PDCL: variants seen among roughly 807,000 people sequenced by gnomAD.
The protein encoded by PDCL is phosducin-like protein.
A neutral mutation model predicts 26.7 loss-of-function variants in PDCL; 11 were observed. The ratio of observed to expected loss-of-function variants is 0.41; its 90% confidence interval spans 0.26 to 0.68. The LOEUF is 0.68. PDCL is among the 30% of genes least tolerant of loss of function. PDCL has a pLI of 0.30. For missense variants in PDCL, 330 were observed against 371.6 expected, an observed-to-expected ratio of 0.89 and a Z score of 0.92; for synonymous variants, 118 against 134.9, an observed-to-expected ratio of 0.87 and a Z score of 0.87.
chr9:122,820,079 A>C lies in PDCL; in HGVS notation c.*6T>G, dbSNP rs1343476897. The C allele has an allele frequency of 6.3e-7, 1 of 1,580,498 alleles. No individual in the cohort carries two copies. The highest frequency in any genetic ancestry group is 8.6e-7 in the Non-Finnish European group (1 of 1,163,268). Reference sequence around the variant, plus strand: ...AATGAGAAATCTATGCAACTAGACTATCAGTTCAATCTATTTCCAGGTCGC... The same window carrying C: ...AATGAGAAATCTATGCAACTAGACTCTCAGTTCAATCTATTTCCAGGTCGC... On this transcript the variant is annotated 3_prime_UTR_variant, in exon 4 of 4. Coordinates refer to ENST00000259467, the MANE Select transcript of PDCL (RefSeq NM_005388.5).
Position 122,818,831 on chromosome 9 carries a change from T to C in PDCL, c.*1254A>G, listed in dbSNP as rs962431360. The C allele has an allele frequency of 2.0e-4, 31 of 152,222 alleles. No homozygotes were observed. Among genetic ancestry groups the C allele is most frequent in the Middle Eastern group, 3.4e-3 (1 of 294 alleles). 9.4% of individuals were successfully genotyped at this position (152,222 alleles called of 1,614,324 possible). On this transcript the variant is annotated 3_prime_UTR_variant, in exon 4 of 4. Coordinates refer to ENST00000259467, the MANE Select transcript of PDCL (RefSeq NM_005388.5). ...GAAATATGACAAAAGGGATTAATTT[T>C]GGTTGGTGGAATTATATGGCTTTTA...
At chr9:122,827,406 T>TTTAA (rs1302924218) in intron 1 of PDCL, among the ~76,000 whole-genome samples, 1 of 152,134 alleles carries the variant, frequency 6.6e-6, no homozygotes, top group African/African-American at 2.4e-5. Context: ...ATACAAAGAT[T>TTTAA]TTAATAACTC....
rs759211052 is a variant in PDCL at position 122,820,445 on chromosome 9, G to A, written c.546C>T (p.Val182=). The A allele has an allele frequency of 1.1e-5, 18 of 1,613,956 alleles. No individual in the cohort carries two copies. The highest frequency in any genetic ancestry group is 1.7e-5 in the Admixed American group (1 of 59,982). The stretch of plus-strand genomic sequence containing the variant: ...CATCCTCATAAATATGAACCATGAT[G>A]ACAATGCTTTTCTGTTCTTTATCAA... The part of the protein sequence containing the change: ...DMIDKEQKSI[V]IMVHIYEDGI... The change falls in exon 4 of 4, where the codon GTC becomes GTT. Residue 182 remains valine (V), a synonymous_variant. Transcript: ENST00000259467.
intron 2 of PDCL, among the ~76,000 whole-genome samples, chr9:122,825,777 A>T (rs1400571605): frequency 6.6e-6 from 1 of 152,108 alleles, no homozygotes; most frequent in Non-Finnish European, 1.5e-5. Context: ...GTTCCCTCTT[A>T]AAAATAAATA....
rs756779592 is a variant in PDCL, at chr9:122,820,633, T to C, written c.358A>G (p.Thr120Ala). ...DLQEKISGKM[T>A]LKEFAIMNED... is the part of the protein sequence containing the mutation. ...TTCATTATGGCAAACTCCTTCAGAG[T>C]CATCTGCAGGCGGACCAGCAAGTGA... Residue 120 changes from threonine (T) to alanine (A), a missense_variant, in exon 4 of 4, where the codon ACT (threonine) becomes GCT (alanine). By Grantham distance (58) the Thr-to-Ala change is moderately conservative (BLOSUM62 0). Coordinates refer to ENST00000259467, the MANE Select transcript of PDCL (RefSeq NM_005388.5). 72 of 1,601,580 alleles carry C rather than the reference T, an allele frequency of 4.5e-5. No individual in the cohort carries two copies. The highest frequency in any genetic ancestry group is 6.1e-5 in the Non-Finnish European group (72 of 1,174,732).
chr9:122,826,669 C>T lies in PDCL; in HGVS notation c.119G>A (p.Ser40Asn). The T allele has an allele frequency of 6.2e-7, 1 of 1,614,230 alleles. No homozygotes were observed. Among genetic ancestry groups the T allele is most frequent in the Non-Finnish European group, 8.5e-7 (1 of 1,180,046 alleles). The change falls in exon 2 of 4, where the codon AGT (serine) becomes AAT (asparagine). Residue 40 changes from serine (S) to asparagine (N), a missense_variant. Transcript: ENST00000259467. ...CAGCTCAGCCTCTGCAGGCACAGAA[C>T]TGCTGGCTGGGGCACATCTGCCTCG... is the stretch of plus-strand genomic sequence containing the variant. ...KDRGRCAPAS[S>N]SVPAEAELAG...
chr9:122,826,339 C>T (rs1242517742), intron 2 of PDCL, among the ~76,000 whole-genome samples: 1 of 152,128 alleles, frequency 6.6e-6, no homozygotes, highest in African/African-American at 2.4e-5. Context: ...TACCCATATA[C>T]TCATACTTGT....
At chr9:122,826,475 A>C in intron 2 of PDCL, 141 bp downstream of exon 2, 1 of 655,658 alleles carries the variant, frequency 1.5e-6, no homozygotes, top group East Asian at 2.9e-5. Context: ...AGCACACATA[A>C]TGAAAAGACT....
chr9:122,819,981 AC>A lies in PDCL; in HGVS notation c.*103del. ...CTTTATTTTATGCATAATAAAAGGG[AC>A]TACAAAGAACAGCTGAAAAGCCAGA... On this transcript the variant is annotated 3_prime_UTR_variant, in exon 4 of 4. Transcript: ENST00000259467. The A allele has an allele frequency of 2.3e-6, 2 of 875,198 alleles. No homozygotes were observed. Among genetic ancestry groups the A allele is most frequent in the Non-Finnish European group, 3.5e-6 (2 of 565,502 alleles). 54.2% of individuals were successfully genotyped at this position (875,198 alleles called of 1,614,324 possible). A position where few individuals can be genotyped will look rare whatever the true frequency, so the allele number is the denominator to read the frequency against.
At chr9:122,827,736 A>G (rs5020364) in intron 1 of PDCL, among the ~76,000 whole-genome samples, 50,897 of 151,852 alleles carry the variant, frequency 0.34, 8,898 homozygotes, top group East Asian at 0.51. Flanking sequence ...TGTTTCAAAA[A>G]AAAATAAAAA....
At chr9:122,824,173 C>G (rs138272614) in intron 2 of PDCL, among the ~76,000 whole-genome samples, 674 of 152,300 alleles carry the variant, frequency 4.4e-3, no homozygotes, top group Middle Eastern at 0.014. Flanking sequence ...TGCCGAAGGA[C>G]TTATATGTCC....
At chr9:122,828,210 C>G (rs569998622) in intron 1 of PDCL, among the ~76,000 whole-genome samples, 1 of 151,914 alleles carries the variant, frequency 6.6e-6, no homozygotes, top group Admixed American at 6.5e-5. Context: ...GGGGAGGAGA[C>G]GAGGGCGGGC....
intron 2 of PDCL, 79 bp downstream of exon 2, chr9:122,826,537 T>C: frequency 1.7e-6 from 2 of 1,174,700 alleles, no homozygotes; most frequent in Non-Finnish European, 1.2e-6. Context: ...GAGAATTAAT[T>C]TATTAATATG....
In PDCL at chr9:122,820,135, G is replaced by C. The variant is rs762726299; in HGVS notation, c.856C>G (p.Arg286Gly). 6 of 1,613,786 alleles carry C rather than the reference G, an allele frequency of 3.7e-6. No individual in the cohort carries two copies. Among genetic ancestry groups the C allele is most frequent in the Non-Finnish European group, 5.1e-6 (6 of 1,179,894 alleles). The part of the protein sequence containing the change: ...EKEVLVLTSV[R>G]NSATCHSEDS... Reference sequence around the variant, plus strand: ...TCACTGTGACACGTGGCAGAGTTACGCACAGATGTCAGCACCAAGACTTCC... The same window carrying C: ...TCACTGTGACACGTGGCAGAGTTACCCACAGATGTCAGCACCAAGACTTCC... The change falls in exon 4 of 4, where the codon CGT becomes GGT. Residue 286 changes from arginine to glycine, a missense_variant. Physicochemically the swap from Arg to Gly is moderately radical, Grantham distance 125. Transcript: ENST00000259467.
intron 3 of PDCL, among the ~76,000 whole-genome samples, chr9:122,821,785 C>G (rs1829556826): frequency 6.6e-6 from 1 of 152,048 alleles, no homozygotes; most frequent in African/African-American, 2.4e-5. Flanking sequence ...AGGCACAATG[C>G]CCAAGAGACA....
At chr9:122,822,221 C>G (rs891708501) in intron 3 of PDCL, among the ~76,000 whole-genome samples, 31 of 152,226 alleles carry the variant, frequency 2.0e-4, no homozygotes, top group African/African-American at 7.2e-4. Flanking sequence ...CAGAGGGCAT[C>G]CAGAGAAACA....
intron 1 of PDCL, among the ~76,000 whole-genome samples, chr9:122,827,618 G>A: frequency 6.6e-6 from 1 of 152,106 alleles, no homozygotes; most frequent in African/African-American, 2.4e-5. Flanking sequence ...TGTTTTCCCA[G>A]CTACTCAGGA....
intron 1 of PDCL, among the ~76,000 whole-genome samples, chr9:122,828,225 T>C (rs1829654199): frequency 6.7e-6 from 1 of 150,374 alleles, no homozygotes; most frequent in African/African-American, 2.5e-5. Flanking sequence ...GCGGGCCCCC[T>C]GGAGACGCGA....
At chr9:122,827,096 T>C (rs930937540) in intron 1 of PDCL, among the ~76,000 whole-genome samples, 1 of 152,172 alleles carries the variant, frequency 6.6e-6, no homozygotes, top group African/African-American at 2.4e-5. Flanking sequence ...AGGTATAAAT[T>C]ACTCTAGTCT....
Sources: allele counts gnomAD v4.1 joint callset (sites outside exome capture counted in the v4.1 genomes callset), GRCh38; gene constraint gnomAD v4.1.1; transcripts MANE v1.5; gene names NCBI Gene and HGNC (gene_info 2026-07-23, HGNC 2026-07-21).